TEAD1: variants seen among roughly 807,000 people sequenced by gnomAD.
TEAD1 encodes TEA domain transcription factor 1.
Under a neutral mutation model 54.9 loss-of-function variants are expected in TEAD1, and 9 were observed. The observed-to-expected ratio is 0.16, with a 90% confidence interval of 0.10 to 0.29. The LOEUF is 0.29. TEAD1 is among the 10% of genes least tolerant of loss of function. The pLI is 1.00. For synonymous variants in TEAD1, 200 were observed against 187.8 expected (o/e 1.07, Z -0.53); for missense variants, 387 against 535.9 (o/e 0.72, Z 2.74).
chr11:12,727,011 G>A (rs950980549), intron 2 of TEAD1, among the ~76,000 whole-genome samples: 1 of 151,970 alleles, frequency 6.6e-6, no homozygotes, highest in Admixed American at 6.6e-5. Context: ...AGCCTGAGGC[G>A]GGCAGATCAC....
chr11:12,809,707 C>T (rs918079592), intron 3 of TEAD1, among the ~76,000 whole-genome samples: 4 of 152,164 alleles, frequency 2.6e-5, no homozygotes, highest in Non-Finnish European at 2.9e-5. Context: ...AACGTAGCGT[C>T]CTGTGCTTCA....
At chr11:12,776,747 C>T (rs1422988554) in intron 3 of TEAD1, among the ~76,000 whole-genome samples, 3 of 145,998 alleles carry the variant, frequency 2.1e-5, no homozygotes, top group Non-Finnish European at 1.5e-5. Context: ...CTTCAAAGCC[C>T]ATTTGGATAT....
chr11:12,817,787 G>A (rs1402780842), intron 3 of TEAD1, among the ~76,000 whole-genome samples: 1 of 152,182 alleles, frequency 6.6e-6, no homozygotes, highest in African/African-American at 2.4e-5. Flanking sequence ...CCAAGAAAGG[G>A]AGTTCAGGGT....
chr11:12,809,866 A>G (rs891504564), intron 3 of TEAD1, among the ~76,000 whole-genome samples: 6 of 151,920 alleles, frequency 3.9e-5, no homozygotes, highest in African/African-American at 1.5e-4. Flanking sequence ...AGTCTGCCAC[A>G]TGGTTATGGA....
chr11:12,746,501 TATAATATA>T (rs1488235897), intron 2 of TEAD1, among the ~76,000 whole-genome samples: 6 of 152,244 alleles, frequency 3.9e-5, no homozygotes, highest in African/African-American at 9.6e-5. Context: ...TAGAGTTAAG[TATAATATA>T]AATATGTTAC....
At chr11:12,793,495 T>C (rs1322740201) in intron 3 of TEAD1, among the ~76,000 whole-genome samples, 2 of 152,220 alleles carry the variant, frequency 1.3e-5, no homozygotes, top group African/African-American at 4.8e-5. Context: ...AATAATGGTA[T>C]ATTTTATTAT....
chr11:12,909,559 A>G (rs2134139403), intron 10 of TEAD1, among the ~76,000 whole-genome samples: 1 of 152,248 alleles, frequency 6.6e-6, no homozygotes, highest in Non-Finnish European at 1.5e-5. Flanking sequence ...CTTAGAGGAC[A>G]GGTCAATAGG....
intron 3 of TEAD1, among the ~76,000 whole-genome samples, chr11:12,841,324 G>A (rs751849458): frequency 2.0e-5 from 3 of 152,114 alleles, no homozygotes; most frequent in East Asian, 1.9e-4. Context: ...GCCTATAATC[G>A]GTGCTTAGCA....
chr11:12,855,438 T>C (rs934739003), intron 3 of TEAD1, among the ~76,000 whole-genome samples: 2 of 151,922 alleles, frequency 1.3e-5, no homozygotes, highest in Non-Finnish European at 2.9e-5. Flanking sequence ...TACAGGCATG[T>C]GCCACCACGC....
intron 3 of TEAD1, among the ~76,000 whole-genome samples, chr11:12,856,130 C>CTTTTTTTTTTTTT (rs60226571): frequency 7.1e-6 from 1 of 140,884 alleles, no homozygotes. Context: ...TATCTTCTTC[C>CTTTTTTTTTTTTT]TTTTTTTTTT....
intron 10 of TEAD1, among the ~76,000 whole-genome samples, chr11:12,923,127 G>A (rs570310616): frequency 6.6e-6 from 1 of 152,042 alleles, no homozygotes; most frequent in East Asian, 1.9e-4. Context: ...TCCGAGCCAT[G>A]GTCAGAGGTG....
intron 3 of TEAD1, among the ~76,000 whole-genome samples, chr11:12,804,806 T>G (rs1946134539): frequency 6.6e-6 from 1 of 152,130 alleles, no homozygotes; most frequent in Admixed American, 6.5e-5. Context: ...AAAGCCCCTT[T>G]AGAGAGAACG....
In TEAD1 at chr11:12,821,961, C is replaced by CTTTTTTTTTTTTTTTTTTTTTTTTTT. The variant is rs10700151; in HGVS notation, c.203-40269_203-40268insTTTTTTTTTTTTTTTTTTTTTTTTTT. Among the ~76,000 whole-genome samples the CTTTTTTTTTTTTTTTTTTTTTTTTTT allele has an allele frequency of 5.6e-4, 38 of 68,068 alleles. 9 individuals carry two copies. Among genetic ancestry groups the CTTTTTTTTTTTTTTTTTTTTTTTTTT allele is most frequent in the Middle Eastern group, 0.016 (1 of 62 alleles). 44.7% of individuals were successfully genotyped at this position (68,068 alleles called of 152,430 possible). A position where few individuals can be genotyped will look rare whatever the true frequency, so the allele number is the denominator to read the frequency against. On this transcript the variant is annotated intron_variant, in intron 3 of 12. Coordinates refer to ENST00000527636, the MANE Select transcript of TEAD1 (RefSeq NM_021961.6). Reference sequence around the variant, plus strand: ...TACTCTCTCTCCTTTTTCTCTTTTCCTTTTTTTTTTTTTTTTTTTTGAGAC... The same window carrying CTTTTTTTTTTTTTTTTTTTTTTTTTT: ...TACTCTCTCTCCTTTTTCTCTTTTCCTTTTTTTTTTTTTTTTTTTTTTTTTTTTTTTTTTTTTTTTTTTTTTGAGAC...
intron 3 of TEAD1, among the ~76,000 whole-genome samples, chr11:12,802,840 A>G (rs1480131696): frequency 6.6e-6 from 1 of 152,130 alleles, no homozygotes; most frequent in Non-Finnish European, 1.5e-5. Flanking sequence ...TTAATTAGCA[A>G]CTGTCTCCAT....
chr11:12,920,498 C>T (rs973446831), intron 10 of TEAD1, among the ~76,000 whole-genome samples: 1 of 152,132 alleles, frequency 6.6e-6, no homozygotes, highest in African/African-American at 2.4e-5. Context: ...ACCAAAATCA[C>T]TAGACTGCTT....
intron 3 of TEAD1, among the ~76,000 whole-genome samples, chr11:12,818,118 A>G (rs767589706): frequency 2.4e-4 from 36 of 152,250 alleles, no homozygotes; most frequent in Non-Finnish European, 5.0e-4. Context: ...GTTGCAGCCA[A>G]TAACCATTAG....
intron 3 of TEAD1, among the ~76,000 whole-genome samples, chr11:12,833,141 T>C (rs534484061): frequency 6.6e-6 from 1 of 152,242 alleles, no homozygotes; most frequent in Non-Finnish European, 1.5e-5. Flanking sequence ...ATTGGTCCCT[T>C]GTGTCCATGC....
At chr11:12,688,005 G>A (rs1943369409) in intron 2 of TEAD1, among the ~76,000 whole-genome samples, 1 of 152,226 alleles carries the variant, frequency 6.6e-6, no homozygotes, top group African/African-American at 2.4e-5. Flanking sequence ...GGAATGTGCT[G>A]TGTTGGCAGG....
chr11:12,864,949 C>T, intron 5 of TEAD1, 49 bp downstream of exon 5: 1 of 1,600,504 alleles, frequency 6.2e-7, no homozygotes. Context: ...CATCTCACTT[C>T]CTGTTTTCCA....
Sources: gnomAD v4.1 joint callset for allele counts (sites outside exome capture counted in the v4.1 genomes callset) on GRCh38, gnomAD v4.1.1 for gene constraint, MANE v1.5 for transcripts, NCBI Gene and HGNC (gene_info 2026-07-23, HGNC 2026-07-21) for gene names.